The following PKNOX2 variants were observed in gnomAD, a reference collection of about 807,000 sequenced individuals.
PKNOX2 encodes the protein PBX/knotted 1 homeobox 2, also known as homeobox protein PKNOX2.
In PKNOX2, 14 loss-of-function variants were observed where a neutral mutation model predicts 53.1. The observed-to-expected ratio is 0.26, with a 90% CI of 0.17 to 0.41. PKNOX2 has a LOEUF of 0.41. PKNOX2 is among the 10% of genes least tolerant of loss of function. The pLI, the probability that PKNOX2 is intolerant of heterozygous loss-of-function variation, is 1.00. For synonymous variants in PKNOX2, 257 were observed against 242.8 expected (o/e 1.06, Z -0.54); for missense variants, 496 against 602.8 (o/e 0.82, Z 1.85).
At chr11:125,229,873 T>A (rs1238700654) in intron 1 of PKNOX2, among the ~76,000 whole-genome samples, 2 of 152,224 alleles carry the variant, frequency 1.3e-5, no homozygotes, top group East Asian at 3.9e-4. Flanking sequence ...CCAGTGTATG[T>A]GAGTCTTCCC....
chr11:125,267,142 T>C (rs927075586), intron 2 of PKNOX2, among the ~76,000 whole-genome samples: 1 of 152,214 alleles, frequency 6.6e-6, no homozygotes, highest in Non-Finnish European at 1.5e-5. Context: ...TTCTGCTATG[T>C]CCTTTCCTCC....
intron 1 of PKNOX2, among the ~76,000 whole-genome samples, chr11:125,219,932 T>C (rs1940948989): frequency 6.6e-6 from 1 of 152,238 alleles, no homozygotes; most frequent in African/African-American, 2.4e-5. Context: ...CTATAGGAAA[T>C]GACATATGTC....
intron 10 of PKNOX2, among the ~76,000 whole-genome samples, chr11:125,418,514 G>T (rs748256070): frequency 1.3e-5 from 2 of 151,988 alleles, no homozygotes; most frequent in Non-Finnish European, 2.9e-5. Context: ...CTTCTGGCTG[G>T]GGGGAGGCAG....
chr11:125,238,887 C>T (rs980064525), intron 2 of PKNOX2, among the ~76,000 whole-genome samples: 1 of 152,152 alleles, frequency 6.6e-6, no homozygotes, highest in Non-Finnish European at 1.5e-5. Flanking sequence ...GATTTGAAGC[C>T]CAGCCTTGGC....
intron 1 of PKNOX2, among the ~76,000 whole-genome samples, chr11:125,203,506 C>T (rs143843578): frequency 1.4e-4 from 21 of 152,284 alleles, no homozygotes; most frequent in East Asian, 7.7e-4. Context: ...TCAGGGAAGG[C>T]GGCAGAGCCA....
chr11:125,274,975 C>T (rs1327833699), intron 2 of PKNOX2, among the ~76,000 whole-genome samples: 1 of 152,176 alleles, frequency 6.6e-6, no homozygotes, highest in Non-Finnish European at 1.5e-5. Context: ...TTCAGGAAGG[C>T]AGTCAACAAA....
At chr11:125,299,225 A>C (rs912687688) in intron 2 of PKNOX2, among the ~76,000 whole-genome samples, 4 of 152,160 alleles carry the variant, frequency 2.6e-5, no homozygotes, top group African/African-American at 9.7e-5. Flanking sequence ...GAGAGCACCA[A>C]GCCGTTCATG....
chr11:125,246,336 C>A (rs958492193), intron 2 of PKNOX2, among the ~76,000 whole-genome samples: 1 of 152,210 alleles, frequency 6.6e-6, no homozygotes, highest in Non-Finnish European at 1.5e-5. Context: ...CAATAACAAA[C>A]CCACTCCCGT....
At chr11:125,287,193 T>C (rs1946961983) in intron 2 of PKNOX2, among the ~76,000 whole-genome samples, 1 of 152,216 alleles carries the variant, frequency 6.6e-6, no homozygotes, top group South Asian at 2.1e-4. Flanking sequence ...CTCAGCTTGC[T>C]TAGGGTTGTG....
At chr11:125,390,560 G>C (rs1953987675) in intron 6 of PKNOX2, among the ~76,000 whole-genome samples, 1 of 152,240 alleles carries the variant, frequency 6.6e-6, no homozygotes, top group Admixed American at 6.5e-5. Flanking sequence ...GTAGGTGGAA[G>C]ACCCAAGACA....
chr11:125,223,869 A>C (rs1327615550), intron 1 of PKNOX2, among the ~76,000 whole-genome samples: 1 of 152,208 alleles, frequency 6.6e-6, no homozygotes, highest in African/African-American at 2.4e-5. Flanking sequence ...GAAGGCCACA[A>C]GGGTTGGTAA....
Position 125,320,162 on chromosome 11 carries a change from G to A in PKNOX2, c.-129-11657G>A, listed in dbSNP as rs189373380. On this transcript the variant is annotated intron_variant, in intron 2 of 12. Coordinates refer to ENST00000298282, the MANE Select transcript of PKNOX2 (RefSeq NM_001382323.2). Reference sequence around the variant, plus strand: ...TGAGCAGAAGTCTATAGAATGTTCCGGTGCTTTATGAAAGGAGAGGCATAT... The same window carrying A: ...TGAGCAGAAGTCTATAGAATGTTCCAGTGCTTTATGAAAGGAGAGGCATAT... Among the ~76,000 whole-genome samples, 13 of 152,186 alleles carry A rather than the reference G, an allele frequency of 8.5e-5. No individual in the cohort carries two copies. In the East Asian group the frequency reaches 1.2e-3, roughly 14 times the overall value.
At chr11:125,236,243 C>A (rs556349967) in intron 2 of PKNOX2, among the ~76,000 whole-genome samples, 1 of 152,160 alleles carries the variant, frequency 6.6e-6, no homozygotes, top group Non-Finnish European at 1.5e-5. Flanking sequence ...CAGCGCCGGT[C>A]GCCTCTGTGA....
intron 4 of PKNOX2, among the ~76,000 whole-genome samples, chr11:125,359,496 A>G (rs963531999): frequency 6.6e-6 from 1 of 151,924 alleles, no homozygotes; most frequent in Non-Finnish European, 1.5e-5. Flanking sequence ...CCATACTCCA[A>G]CTCGCCTGAG....
chr11:125,379,655 G>C (rs1440958612), intron 5 of PKNOX2, among the ~76,000 whole-genome samples: 1 of 152,074 alleles, frequency 6.6e-6, no homozygotes, highest in Non-Finnish European at 1.5e-5. Context: ...TAAGAGAGAG[G>C]GTGGTGCTAA....
chr11:125,247,823 A>G (rs940215932), intron 2 of PKNOX2, among the ~76,000 whole-genome samples: 5 of 152,066 alleles, frequency 3.3e-5, no homozygotes, highest in South Asian at 4.1e-4. Context: ...CCCTTAATGT[A>G]TTGCCCCTGT....
chr11:125,279,177 G>T (rs1248769168), intron 2 of PKNOX2, among the ~76,000 whole-genome samples: 1 of 152,196 alleles, frequency 6.6e-6, no homozygotes, highest in East Asian at 1.9e-4. Flanking sequence ...GTGCTTGTGG[G>T]CATGCCTGTG....
At chr11:125,261,296 T>TA (rs1944827731) in intron 2 of PKNOX2, among the ~76,000 whole-genome samples, 1 of 152,174 alleles carries the variant, frequency 6.6e-6, no homozygotes, top group Non-Finnish European at 1.5e-5. Context: ...GAGAAAGGGC[T>TA]CTGGCTGGAG....
intron 1 of PKNOX2, among the ~76,000 whole-genome samples, chr11:125,200,598 A>T (rs1450275566): frequency 2.0e-5 from 3 of 151,328 alleles, no homozygotes; most frequent in Non-Finnish European, 4.4e-5. Context: ...CCGGTTCCCA[A>T]CCTCCCCCTG....
Sources: gnomAD v4.1 joint callset for allele counts (sites outside exome capture counted in the v4.1 genomes callset) on GRCh38, gnomAD v4.1.1 for gene constraint, MANE v1.5 for transcripts, NCBI Gene and HGNC (gene_info 2026-07-23, HGNC 2026-07-21) for gene names.